Variants in KLHL29 observed in about 807,000 individuals in gnomAD.
The protein encoded by KLHL29 is kelch-like protein 29.
In KLHL29, 21 loss-of-function variants were observed where a neutral mutation model predicts 80.4. That is an observed-to-expected ratio of 0.26 (90% confidence interval 0.19 to 0.38). The LOEUF is 0.38. KLHL29 is among the 10% of genes least tolerant of loss of function. The pLI is 1.00. For missense variants in KLHL29, 867 were observed against 1,223.9 expected (o/e 0.71, Z 4.35); for synonymous variants, 511 against 526.8 (o/e 0.97, Z 0.41).
At chr2:23,659,876 A>G (rs1040330208) in intron 5 of KLHL29, among the ~76,000 whole-genome samples, 2 of 151,542 alleles carry the variant, frequency 1.3e-5, no homozygotes, top group African/African-American at 4.9e-5. Context: ...TCCAGCCTCC[A>G]TGGTCAGAGC....
rs1664247652 is a variant in KLHL29, at chr2:23,462,677, C to T, written c.-153-12883C>T. Among the ~76,000 whole-genome samples, 3 of 152,220 alleles carry T rather than the reference C, an allele frequency of 2.0e-5. No individual in the cohort carries two copies. In the South Asian group the frequency reaches 6.2e-4, roughly 32 times the overall value. On this transcript the variant is annotated intron_variant, in intron 1 of 13. Transcript: ENST00000486442. ...TGCCCATCAGTGCTAAGAAATTAAT[C>T]TTATGCCCAAACATAAGGCAGTTCC...
intron 1 of KLHL29, among the ~76,000 whole-genome samples, chr2:23,401,590 A>G (rs997340040): frequency 1.3e-5 from 2 of 152,240 alleles, no homozygotes; most frequent in African/African-American, 4.8e-5. Context: ...TGTGGAGCCC[A>G]TCTCAGCAAG....
intron 1 of KLHL29, among the ~76,000 whole-genome samples, chr2:23,474,736 C>G (rs894799744): frequency 1.3e-5 from 2 of 152,068 alleles, no homozygotes; most frequent in Non-Finnish European, 2.9e-5. Flanking sequence ...ATTTACCTGT[C>G]CAAATCCTTC....
intron 6 of KLHL29, among the ~76,000 whole-genome samples, chr2:23,687,131 C>A (rs1394478860): frequency 6.6e-6 from 1 of 152,156 alleles, no homozygotes; most frequent in Non-Finnish European, 1.5e-5. Flanking sequence ...TGCCCTTTGA[C>A]CCCAAGCAGT....
intron 4 of KLHL29, among the ~76,000 whole-genome samples, chr2:23,640,655 G>A (rs146210742): frequency 5.2e-4 from 79 of 152,236 alleles, no homozygotes; most frequent in African/African-American, 1.7e-3. Context: ...AGTTCTCCCC[G>A]ACCTCTCTCG....
chr2:23,620,797 C>T (rs1040571140), intron 3 of KLHL29, among the ~76,000 whole-genome samples: 6 of 152,186 alleles, frequency 3.9e-5, no homozygotes, highest in Admixed American at 3.3e-4. Context: ...GTTCCAGAAC[C>T]CGGATAAACA....
chr2:23,686,990 T>C (rs762804868), intron 6 of KLHL29, among the ~76,000 whole-genome samples: 8 of 152,170 alleles, frequency 5.3e-5, no homozygotes, highest in Non-Finnish European at 8.8e-5. Context: ...TGTAAAATCA[T>C]AGAGAATTTC....
intron 3 of KLHL29, among the ~76,000 whole-genome samples, chr2:23,637,696 G>A (rs1049332886): frequency 3.3e-5 from 5 of 151,964 alleles, no homozygotes; most frequent in Admixed American, 6.6e-5. Context: ...CCCAGCCTCC[G>A]CATCCACACC....
chr2:23,527,168 C>T (rs1188851025), intron 2 of KLHL29, among the ~76,000 whole-genome samples: 1 of 152,176 alleles, frequency 6.6e-6, no homozygotes. Flanking sequence ...CTAGACACGG[C>T]TCACACGGAG....
At chr2:23,617,147 T>G (rs916093500) in intron 3 of KLHL29, 9 of 152,242 alleles carry the variant, frequency 5.9e-5, no homozygotes, top group African/African-American at 2.2e-4. Context: ...ACATTAACCT[T>G]CAAACAACCT....
At chr2:23,540,052 C>T (rs569837878) in intron 2 of KLHL29, among the ~76,000 whole-genome samples, 7 of 152,310 alleles carry the variant, frequency 4.6e-5, no homozygotes, top group Admixed American at 3.9e-4. Context: ...GGAACTTCCT[C>T]GTTTCTGGCT....
At chr2:23,464,936 A>C (rs1664305973) in intron 1 of KLHL29, among the ~76,000 whole-genome samples, 2 of 152,258 alleles carry the variant, frequency 1.3e-5, no homozygotes, top group East Asian at 1.9e-4. Flanking sequence ...GCATGTATCT[A>C]TGTGCTCTTA....
At chr2:23,564,420 GC>G (rs1426862825) in intron 3 of KLHL29, among the ~76,000 whole-genome samples, 1 of 152,222 alleles carries the variant, frequency 6.6e-6, no homozygotes, top group African/African-American at 2.4e-5. Flanking sequence ...TGTGAGGACA[GC>G]CCGCTCCTTG....
At chr2:23,557,854 C>T (rs905879183) in intron 2 of KLHL29, among the ~76,000 whole-genome samples, 6 of 152,142 alleles carry the variant, frequency 3.9e-5, no homozygotes, top group Admixed American at 2.6e-4. Flanking sequence ...TCACATCAGT[C>T]AGGCCAGGCT....
chr2:23,442,657 T>C (rs1019919947), intron 1 of KLHL29, among the ~76,000 whole-genome samples: 1 of 152,086 alleles, frequency 6.6e-6, no homozygotes, highest in African/African-American at 2.4e-5. Context: ...TCCAGAACCA[T>C]GAGGTAATAA....
intron 3 of KLHL29, among the ~76,000 whole-genome samples, chr2:23,583,230 G>A (rs1409557705): frequency 1.3e-5 from 2 of 152,104 alleles, no homozygotes; most frequent in Non-Finnish European, 2.9e-5. Context: ...TGTTGCCGCA[G>A]CCCCAGAAAA....
chr2:23,388,719 A>C (rs1666243481), intron 1 of KLHL29, among the ~76,000 whole-genome samples: 1 of 152,212 alleles, frequency 6.6e-6, no homozygotes, highest in Non-Finnish European at 1.5e-5. Flanking sequence ...AGTTTCTAAA[A>C]GCCTACACTA....
chr2:23,470,755 C>G (rs1035142188), intron 1 of KLHL29, among the ~76,000 whole-genome samples: 2 of 152,096 alleles, frequency 1.3e-5, no homozygotes, highest in African/African-American at 4.8e-5. Flanking sequence ...GCAATCTCTG[C>G]GTTGTGCTGG....
chr2:23,548,624 G>A (rs1437695023), intron 2 of KLHL29, among the ~76,000 whole-genome samples: 3 of 152,212 alleles, frequency 2.0e-5, no homozygotes, highest in Non-Finnish European at 4.4e-5. Flanking sequence ...TCTGACAGCC[G>A]GGGTCCTAGA....
Sources: allele counts gnomAD v4.1 joint callset (sites outside exome capture counted in the v4.1 genomes callset), GRCh38; gene constraint gnomAD v4.1.1; transcripts MANE v1.5; gene names NCBI Gene and HGNC (gene_info 2026-07-23, HGNC 2026-07-21).